ZNF92: variants seen among roughly 807,000 people sequenced by gnomAD.
ZNF92 encodes the protein zinc finger protein 92.
Under a neutral mutation model 12.4 loss-of-function variants are expected in ZNF92, and 11 were observed. That is an observed-to-expected ratio of 0.89 (90% CI 0.56 to 1.47). The LOEUF (loss-of-function observed/expected upper bound fraction) is 1.47, where lower values mean the gene tolerates loss of function less well. ZNF92 is among the 40% of genes most tolerant of loss of function. ZNF92 has a pLI of 0.00. For missense variants in ZNF92, 622 were observed against 681.0 expected, an observed-to-expected ratio of 0.91 and a Z score of 0.96; for synonymous variants, 206 against 228.6, an observed-to-expected ratio of 0.90 and a Z score of 0.89.
At chr7:65,379,890 G>A (rs530336258) in intron 1 of ZNF92, among the ~76,000 whole-genome samples, 2 of 152,142 alleles carry the variant, frequency 1.3e-5, no homozygotes, top group South Asian at 2.1e-4. Context: ...TTTTTGGTTC[G>A]GGAGTACACA....
rs563706676 is a variant in ZNF92 at position 65,397,875 on chromosome 7, A to G, written c.227-466A>G. Among the ~76,000 whole-genome samples, 5 of 152,268 alleles carry G rather than the reference A, an allele frequency of 3.3e-5. No individual in the cohort carries two copies. In the East Asian group the frequency reaches 9.6e-4, roughly 29 times the overall value. On this transcript the variant is annotated intron_variant, in intron 3 of 3. Coordinates refer to ENST00000328747, the MANE Select transcript of ZNF92 (RefSeq NM_152626.4). ...GTCTCAGCAGACAAACTGTCATTCC[A>G]AAGTATACCACCATTTCCTTCAGCA...
At chr7:65,374,089 C>T (rs1395603449) in intron 1 of ZNF92, 89 bp downstream of exon 1, 2 of 1,569,868 alleles carry the variant, frequency 1.3e-6, no homozygotes, top group Admixed American at 1.7e-5. Context: ...CGGGCCTTCC[C>T]GCAGTCGGCT....
chr7:65,385,340 C>CT (rs1484392541), intron 1 of ZNF92, among the ~76,000 whole-genome samples: 2 of 152,116 alleles, frequency 1.3e-5, no homozygotes, highest in Admixed American at 6.6e-5. Context: ...GCAGAAATCT[C>CT]TATTTGTGCC....
chr7:65,395,945 TC>T (rs558489250), intron 3 of ZNF92, among the ~76,000 whole-genome samples: 222 of 83,318 alleles, frequency 2.7e-3, no homozygotes, highest in African/African-American at 0.015. Flanking sequence ...AGGGTCTCAC[TC>T]TGTCAACCAG....
intron 1 of ZNF92, among the ~76,000 whole-genome samples, chr7:65,375,224 G>A (rs1317455734): frequency 6.6e-6 from 1 of 152,032 alleles, no homozygotes; most frequent in Non-Finnish European, 1.5e-5. Flanking sequence ...ACTTTATGGG[G>A]TGATGTGTTC....
chr7:65,398,957 A>C lies in ZNF92; in HGVS notation c.843A>C (p.Glu281Asp), dbSNP rs1335049356. The change falls in exon 4 of 4, where the codon GAA becomes GAC. Residue 281 changes from glutamate to aspartate, a missense_variant. Transcript: ENST00000328747. ...CTAAACATAAAAGAATTCATACAGA[A>C]GAGAAACCCTACAAATGTGAAGAAT... ...TLTKHKRIHT[E>D]EKPYKCEECG... 1 of 1,613,476 alleles carries C rather than the reference A, an allele frequency of 6.2e-7. No homozygotes were observed. Among genetic ancestry groups the C allele is most frequent in the South Asian group, 1.1e-5 (1 of 91,044 alleles).
chr7:65,390,360 T>C (rs1006648311), intron 3 of ZNF92, among the ~76,000 whole-genome samples: 2 of 152,112 alleles, frequency 1.3e-5, no homozygotes, highest in African/African-American at 2.4e-5. Flanking sequence ...TAGTTTTGCA[T>C]TGGTGTCTGT....
rs1793621429 is a variant in ZNF92, at chr7:65,388,064, T to C, written c.130+36T>C. The C allele has an allele frequency of 1.9e-6, 3 of 1,552,488 alleles. 1 individual carries two copies. The highest frequency in any genetic ancestry group is 2.4e-5 in the South Asian group (2 of 83,146). On this transcript the variant is annotated intron_variant, in intron 2 of 3. Transcript: ENST00000328747. ...CTTCAATACACAATACACAATGCTC[T>C]AAAAGTTTCATTTCTCCTCTTTGTA...
At chr7:65,392,044 G>T (rs17139526) in intron 3 of ZNF92, among the ~76,000 whole-genome samples, 3 of 151,878 alleles carry the variant, frequency 2.0e-5, no homozygotes, top group Non-Finnish European at 4.4e-5. Context: ...TTGTTTTTAC[G>T]GTTTTAGCAA....
chr7:65,378,802 A>G (rs1793324951), intron 1 of ZNF92, among the ~76,000 whole-genome samples: 1 of 152,134 alleles, frequency 6.6e-6, no homozygotes, highest in African/African-American at 2.4e-5. Flanking sequence ...GATTTTTTAA[A>G]TGAGAAAAAT....
At chr7:65,387,873 GTGTT>G (rs779844148) in intron 1 of ZNF92, 25 bp from the exon 2 acceptor site, 2 of 1,570,048 alleles carry the variant, frequency 1.3e-6, no homozygotes, top group East Asian at 2.3e-5. Flanking sequence ...AAACATATGT[GTGTT>G]TGTGTGTGTG....
intron 1 of ZNF92, among the ~76,000 whole-genome samples, chr7:65,378,655 T>A (rs934336011): frequency 2.6e-5 from 4 of 150,954 alleles, no homozygotes; most frequent in Non-Finnish European, 4.4e-5. Flanking sequence ...GGCAGGAGAA[T>A]GGTGTGAACC....
chr7:65,392,336 G>A lies in ZNF92; in HGVS notation c.226+3435G>A, dbSNP rs554787293. 1.8e-3 allele frequency among the ~76,000 whole-genome samples: 272 copies of A among 150,474 alleles called. 3 individuals carry two copies. The highest frequency in any genetic ancestry group is 6.8e-3 in the Middle Eastern group (2 of 294). On this transcript the variant is annotated intron_variant, in intron 3 of 3. Coordinates refer to ENST00000328747, the MANE Select transcript of ZNF92 (RefSeq NM_152626.4). ...AGAGAAACATTTTTGTAATTTGAAG[G>A]TAATTTTTGGAAATATTTGTAATTC...
rs115612305 is a variant in ZNF92, at chr7:65,391,413, C to T, written c.226+2512C>T. ...ATTTGTCTGTAACTTTAGAATCAGA[C>T]CTTTGGGACAATATGCTAGAATTTA... is the stretch of plus-strand genomic sequence containing the variant. On this transcript the variant is annotated intron_variant, in intron 3 of 3. Coordinates refer to ENST00000328747, the MANE Select transcript of ZNF92 (RefSeq NM_152626.4). 1.7e-3 allele frequency among the ~76,000 whole-genome samples: 266 copies of T among 152,108 alleles called. 2 individuals are homozygous for T. Among genetic ancestry groups the T allele is most frequent in the African/African-American group, 6.1e-3 (253 of 41,496 alleles).
intron 1 of ZNF92, among the ~76,000 whole-genome samples, chr7:65,382,728 C>CT (rs1793454620): frequency 6.6e-6 from 1 of 152,086 alleles, no homozygotes; most frequent in African/African-American, 2.4e-5. Flanking sequence ...CCTTCCTTCT[C>CT]TTTTTAAAAT....
In ZNF92 at chr7:65,399,173, C is replaced by A. The variant is rs1220475201; in HGVS notation, c.1059C>A (p.Phe353Leu). 1.2e-6 allele frequency: 2 copies of A among 1,613,382 alleles called. No individual in the cohort carries two copies. The highest frequency in any genetic ancestry group is 1.7e-6 in the Non-Finnish European group (2 of 1,179,758). ...AATGTGGCAAAGCCTTTAACCAGTT[C>A]TCAAACCTTACTAAACATAAGATAA... is the stretch of plus-strand genomic sequence containing the variant. ...CEECGKAFNQ[F>L]SNLTKHKIIH... Residue 353 changes from phenylalanine (F) to leucine (L), a missense_variant, in exon 4 of 4, where the codon TTC becomes TTA. Transcript: ENST00000328747.
chr7:65,387,141 A>G (rs1793590444), intron 1 of ZNF92, among the ~76,000 whole-genome samples: 1 of 151,866 alleles, frequency 6.6e-6, no homozygotes, highest in South Asian at 2.1e-4. Context: ...GGGTTTCACC[A>G]TGTTAGCCAG....
chr7:65,387,600 A>C (rs1793606249), intron 1 of ZNF92, among the ~76,000 whole-genome samples: 1 of 152,144 alleles, frequency 6.6e-6, no homozygotes, highest in African/African-American at 2.4e-5. Flanking sequence ...TCCATCTGAA[A>C]CATATACACT....
rs1020220917 is a variant in ZNF92, at chr7:65,380,557, C to T, written c.3+6557C>T. On this transcript the variant is annotated intron_variant, in intron 1 of 3. Coordinates refer to ENST00000328747, the MANE Select transcript of ZNF92 (RefSeq NM_152626.4). ...AAAGTGCTGGGATTACAGGCGTGAA[C>T]CACTATGCTCAACCACAATGTATTT... Among the ~76,000 whole-genome samples, 5 of 152,162 alleles carry T rather than the reference C, an allele frequency of 3.3e-5. No homozygotes were observed. The South Asian group carries it at 1.0e-3, about 32-fold the overall frequency.
Sources: gnomAD v4.1 joint callset for allele counts (sites outside exome capture counted in the v4.1 genomes callset) on GRCh38, gnomAD v4.1.1 for gene constraint, MANE v1.5 for transcripts, NCBI Gene and HGNC (gene_info 2026-07-23, HGNC 2026-07-21) for gene names.